SPON2: variants seen among roughly 807,000 people sequenced by gnomAD.
SPON2 encodes spondin-2.
SPON2 carries 32 observed loss-of-function variants against 29.9 expected under a neutral mutation model. That is an observed-to-expected ratio of 1.07 (90% CI 0.81 to 1.44). The LOEUF (loss-of-function observed/expected upper bound fraction) is 1.44. SPON2 is among the 40% of genes most tolerant of loss of function. The probability of loss-of-function intolerance (pLI) is 0.00; values close to 1 mark genes in which losing one functional copy is unlikely to be tolerated. For synonymous variants in SPON2, 248 were observed against 209.1 expected, an observed-to-expected ratio of 1.19 and a Z score of -1.61; for missense variants, 541 against 455.5, an observed-to-expected ratio of 1.19 and a Z score of -1.71.
chr4:1,189,622 G>T (rs1187670713), intron 1 of SPON2, among the ~76,000 whole-genome samples: 2 of 123,324 alleles, frequency 1.6e-5, no homozygotes, highest in African/African-American at 6.2e-5. Context: ...CTGGGCAACA[G>T]AGTGAGACCC....
At position 1,186,014 on chromosome 4, in the gene SPON2, G is replaced by A. The variant is rs577512583; in HGVS notation, c.-238-6473C>T. 6.0e-5 allele frequency among the ~76,000 whole-genome samples: 9 copies of A among 151,230 alleles called. No individual in the cohort carries two copies. In the South Asian group the frequency reaches 8.3e-4, roughly 14 times the overall value. On this transcript the variant is annotated intron_variant, in intron 1 of 3. Coordinates refer to the SPON2 transcript ENST00000502483. Reference sequence around the variant, plus strand: ...AATCCCAGCACTTTGGGAGGCCGAGGCGGGCGGATCACGAGGTCAGGAGAT... The same window carrying A: ...AATCCCAGCACTTTGGGAGGCCGAGACGGGCGGATCACGAGGTCAGGAGAT...
upstream of SPON2, among the ~76,000 whole-genome samples, chr4:1,196,458 C>G (rs1250633822): frequency 6.6e-6 from 1 of 152,204 alleles, no homozygotes; most frequent in Non-Finnish European, 1.5e-5. Flanking sequence ...GACCAAGACC[C>G]TGGGGGTCAC....
In SPON2 at chr4:1,171,487, C is replaced by G; in HGVS notation, c.221-1G>C. ...CTGTAGTCGGAGCTATGCGCGGCCC[C>G]TGCAGGACCACCCGGCCGCGCCGCG... is the stretch of plus-strand genomic sequence containing the variant. On this transcript the variant is annotated splice_acceptor_variant, in intron 2 of 5. Transcript: ENST00000290902. LOFTEE classifies it high-confidence loss of function. 6.2e-7 allele frequency: 1 copy of G among 1,607,492 alleles called. No homozygotes were observed. Among genetic ancestry groups the G allele is most frequent in the Non-Finnish European group, 8.5e-7 (1 of 1,176,136 alleles).
chr4:1,185,899 GAAGAA>G (rs1414804672), intron 1 of SPON2, among the ~76,000 whole-genome samples: 3 of 152,028 alleles, frequency 2.0e-5, no homozygotes, highest in Non-Finnish European at 4.4e-5. Context: ...GGCAACAAAA[GAAGAA>G]AATAGACAAA....
upstream of SPON2, among the ~76,000 whole-genome samples, chr4:1,195,936 C>T (rs1002245128): frequency 5.3e-5 from 8 of 152,202 alleles, no homozygotes; most frequent in South Asian, 4.1e-4. Flanking sequence ...CCTGGCCACG[C>T]GCCTTGTTGA....
upstream of SPON2, among the ~76,000 whole-genome samples, chr4:1,196,161 C>T (rs539806047): frequency 4.6e-4 from 70 of 152,324 alleles, no homozygotes; most frequent in African/African-American, 1.4e-3. Context: ...CCTAGCGCCC[C>T]GCCTCAGTCA....
chr4:1,167,415 A>T lies in SPON2; in HGVS notation c.*57T>A. On this transcript the variant is annotated 3_prime_UTR_variant, in exon 6 of 6. Coordinates refer to ENST00000290902, the MANE Select transcript of SPON2 (RefSeq NM_012445.4). ...GGCCGCCTGCAGCATGAGCCTGCAC[A>T]GGAGCCCCCGACACCCCATGGCTCC... 1 of 1,544,446 alleles carries T rather than the reference A, an allele frequency of 6.5e-7. No homozygotes were observed. Among genetic ancestry groups the T allele is most frequent in the Non-Finnish European group, 8.8e-7 (1 of 1,135,792 alleles).
intron 1 of SPON2, among the ~76,000 whole-genome samples, chr4:1,184,329 A>G (rs980296926): frequency 6.6e-6 from 1 of 152,242 alleles, no homozygotes; most frequent in Non-Finnish European, 1.5e-5. Flanking sequence ...GATTGGCAGA[A>G]TGAATACACA....
In SPON2 at chr4:1,188,198, G is replaced by A. The variant is rs113527293; in HGVS notation, c.-239+6792C>T. 3.7e-3 allele frequency among the ~76,000 whole-genome samples: 369 copies of A among 99,138 alleles called. 2 individuals are homozygous for A. Among genetic ancestry groups the A allele is most frequent in the South Asian group, 6.9e-3 (19 of 2,766 alleles). 65.0% of individuals were successfully genotyped at this position (99,138 alleles called of 152,430 possible). ...TGCCTGGGCAACAGAGCAAGACTCC[G>A]TCTCAAAAAAAAAAAAAAAAAAAAA... On this transcript the variant is annotated intron_variant, in intron 1 of 3. Coordinates refer to the SPON2 transcript ENST00000502483.
At position 1,171,347 on chromosome 4, in the gene SPON2, C is replaced by T. The variant is rs770287876; in HGVS notation, c.360G>A (p.Val120=). Residue 120 remains valine (V), a synonymous_variant, in exon 3 of 6, where the codon GTG becomes GTA. Coordinates refer to ENST00000290902, the MANE Select transcript of SPON2 (RefSeq NM_012445.4). ...IEAAGEALQS[V]HAVFSAPAVP... ...CGGCGGGCGCCGAAAACACCGCGTG[C>T]ACGCTCTGCAGCGCCTCCCCCGCCG... is the stretch of plus-strand genomic sequence containing the variant. The T allele has an allele frequency of 6.2e-7, 1 of 1,609,494 alleles. No homozygotes were observed. Among genetic ancestry groups the T allele is most frequent in the East Asian group, 2.2e-5 (1 of 44,814 alleles).
chr4:1,173,629 G>A (rs1022538121), upstream of SPON2, among the ~76,000 whole-genome samples: 18 of 152,236 alleles, frequency 1.2e-4, no homozygotes, highest in African/African-American at 4.3e-4. Flanking sequence ...CCCGGCCTCT[G>A]CTCATCGGAA....
rs181176157 is a variant in SPON2 at position 1,192,114 on chromosome 4, C to T, written c.-239+2876G>A. 3.7e-3 allele frequency among the ~76,000 whole-genome samples: 557 copies of T among 152,388 alleles called. 4 individuals carry two copies. The highest frequency in any genetic ancestry group is 6.8e-3 in the Middle Eastern group (2 of 294). On this transcript the variant is annotated intron_variant, in intron 1 of 3. Transcript: ENST00000502483. ...AAGGATTCCAGCTCAGGCCTGTCCACGGCTGTGTGACCCGGCATGGGTTAA... is the reference window on the plus strand; with the variant it reads ...AAGGATTCCAGCTCAGGCCTGTCCATGGCTGTGTGACCCGGCATGGGTTAA...
chr4:1,195,121 A>G (rs1728034900), exon 1 of SPON2: 1 of 149,626 alleles, frequency 6.7e-6, no homozygotes, highest in African/African-American at 2.5e-5. Flanking sequence ...CCAACCCCGC[A>G]GCCGGCGGCT....
chr4:1,195,300 C>A (rs934967999), upstream of SPON2, among the ~76,000 whole-genome samples: 1 of 152,138 alleles, frequency 6.6e-6, no homozygotes, highest in Non-Finnish European at 1.5e-5. Context: ...GCCGGCCTCG[C>A]AGGAACCACT....
chr4:1,204,432 A>G (rs1009664482), intron 1 of SPON2, among the ~76,000 whole-genome samples: 14 of 152,134 alleles, frequency 9.2e-5, no homozygotes, highest in African/African-American at 3.4e-4. Flanking sequence ...TGCACTGCTG[A>G]TCTGAACACA....
Position 1,171,756 on chromosome 4 carries a change from C to T in SPON2, c.220+96G>A, listed in dbSNP as rs1017278255. The T allele has an allele frequency of 5.4e-6, 5 of 931,092 alleles. No individual in the cohort carries two copies. In the Middle Eastern group the frequency reaches 7.8e-4, roughly 146 times the overall value. 57.7% of individuals were successfully genotyped at this position (931,092 alleles called of 1,614,324 possible). A position where few individuals can be genotyped will look rare whatever the true frequency, so the allele number is the denominator to read the frequency against. ...GTTAGAGTCTCCCGACGTCAGCACG[C>T]CCCAGACTGGGAAGCGCCGCCGTGC... On this transcript the variant is annotated intron_variant, in intron 2 of 5. Transcript: ENST00000290902.
intron 1 of SPON2, among the ~76,000 whole-genome samples, chr4:1,188,818 T>TA (rs1727851115): frequency 6.6e-6 from 1 of 152,198 alleles, no homozygotes; most frequent in South Asian, 2.1e-4. Flanking sequence ...CAACAGGCTC[T>TA]AACCCACCTA....
chr4:1,172,023 G>A lies in SPON2; in HGVS notation c.49C>T (p.Leu17Phe). Residue 17 changes from leucine (L) to phenylalanine (F), a missense_variant, in exon 2 of 6, where the codon CTC becomes TTC. By Grantham distance (22) the Leu-to-Phe change is conservative (BLOSUM62 0). Transcript: ENST00000290902. ...AAALGKALCA[L>F]LLATLGAAGQ... ...GCGGCGCCGAGAGTGGCCAGGAGGA[G>A]AGCGCAGAGGGCCTTGCCCAGGGCG... The A allele has an allele frequency of 6.2e-7, 1 of 1,612,722 alleles. No homozygotes were observed. Among genetic ancestry groups the A allele is most frequent in the Non-Finnish European group, 8.5e-7 (1 of 1,179,868 alleles).
In SPON2 at chr4:1,167,403, A is replaced by G. The variant is rs570429676; in HGVS notation, c.*69T>C. 6.4e-5 allele frequency: 95 copies of G among 1,485,912 alleles called. No homozygotes were observed. In the East Asian group the frequency reaches 1.5e-3, roughly 24 times the overall value. 92.0% of individuals were successfully genotyped at this position (1,485,912 alleles called of 1,614,324 possible). A position where few individuals can be genotyped will look rare whatever the true frequency, so the allele number is the denominator to read the frequency against. On this transcript the variant is annotated 3_prime_UTR_variant, in exon 6 of 6. Coordinates refer to ENST00000290902, the MANE Select transcript of SPON2 (RefSeq NM_012445.4). ...CCCTGTGCCCTCGGCCGCCTGCAGC[A>G]TGAGCCTGCACAGGAGCCCCCGACA...
Sources: allele counts gnomAD v4.1 joint callset (sites outside exome capture counted in the v4.1 genomes callset), GRCh38; gene constraint gnomAD v4.1.1; transcripts MANE v1.5; gene names NCBI Gene and HGNC (gene_info 2026-07-23, HGNC 2026-07-21).